Variants in PKN2 observed in about 807,000 individuals in gnomAD.
PKN2 encodes protein kinase N2, also known as serine/threonine-protein kinase N2.
PKN2 carries 38 observed loss-of-function variants against 119.1 expected under a neutral mutation model. That is an observed-to-expected ratio of 0.32 (90% confidence interval 0.25 to 0.42). The LOEUF (loss-of-function observed/expected upper bound fraction) is 0.42, where lower values mean the gene tolerates loss of function less well. Among genes scored for constraint, PKN2 ranks in the 10% least tolerant of loss-of-function variants. The pLI is 1.00. For missense variants in PKN2, 850 were observed against 1,165.1 expected (o/e 0.73, Z 3.94); for synonymous variants, 390 against 384.9 (o/e 1.01, Z -0.15).
chr1:88,776,756 G>A (rs551182938), intron 6 of PKN2, among the ~76,000 whole-genome samples: 1 of 150,638 alleles, frequency 6.6e-6, no homozygotes, highest in African/African-American at 2.5e-5. Flanking sequence ...AAAAAAAAAA[G>A]TCCTCCTGCT....
intron 8 of PKN2, among the ~76,000 whole-genome samples, chr1:88,791,576 A>G (rs1670844178): frequency 6.6e-6 from 1 of 152,202 alleles, no homozygotes; most frequent in South Asian, 2.1e-4. Flanking sequence ...ATGCAGCAAG[A>G]GTGGGGTTAT....
At chr1:88,791,204 G>A (rs925346938) in intron 8 of PKN2, among the ~76,000 whole-genome samples, 2 of 152,054 alleles carry the variant, frequency 1.3e-5, no homozygotes, top group East Asian at 1.9e-4. Flanking sequence ...TCGGCAGGCC[G>A]AAGTGGGCAG....
At chr1:88,720,688 T>C (rs1667641333) in intron 1 of PKN2, among the ~76,000 whole-genome samples, 1 of 152,092 alleles carries the variant, frequency 6.6e-6, no homozygotes, top group South Asian at 2.1e-4. Context: ...CATGGATAAG[T>C]TATTTAGTGG....
intron 8 of PKN2, among the ~76,000 whole-genome samples, chr1:88,788,741 G>A (rs1407013179): frequency 1.3e-5 from 2 of 152,074 alleles, no homozygotes; most frequent in Non-Finnish European, 2.9e-5. Flanking sequence ...CACCGTGCCT[G>A]GCCTAATCCA....
At chr1:88,770,314 T>A (rs1420207840) in intron 3 of PKN2, 38 bp from the exon 4 acceptor site, 1 of 1,212,800 alleles carries the variant, frequency 8.2e-7, no homozygotes, top group African/African-American at 1.5e-5. Flanking sequence ...CATTTTTCCC[T>A]TTATTTGCTT....
At chr1:88,807,008 G>A (rs1002961133) in intron 12 of PKN2, among the ~76,000 whole-genome samples, 6 of 152,074 alleles carry the variant, frequency 3.9e-5, no homozygotes, top group East Asian at 1.9e-4. Flanking sequence ...ATGAGCCACC[G>A]TGCTCAGCCC....
At chr1:88,708,737 C>T (rs1667102452) in intron 1 of PKN2, among the ~76,000 whole-genome samples, 1 of 151,284 alleles carries the variant, frequency 6.6e-6, no homozygotes, top group Non-Finnish European at 1.5e-5. Context: ...GCTGGCATTG[C>T]AGGCGTGAGC....
intron 8 of PKN2, among the ~76,000 whole-genome samples, chr1:88,801,400 A>T (rs1307894828): frequency 2.0e-5 from 3 of 152,156 alleles, no homozygotes; most frequent in African/African-American, 7.2e-5. Flanking sequence ...AACAAAAAAT[A>T]ATAAAAAATA....
At chr1:88,812,674 T>C (rs1671824646) in intron 15 of PKN2, among the ~76,000 whole-genome samples, 1 of 152,270 alleles carries the variant, frequency 6.6e-6, no homozygotes, top group East Asian at 1.9e-4. Flanking sequence ...AGTTCAAGGT[T>C]ACAGGGAGCC....
intron 19 of PKN2, chr1:88,829,328 A>AC: frequency 5.4e-6 from 3 of 558,802 alleles, no homozygotes; most frequent in South Asian, 1.9e-5. Flanking sequence ...AGTATTCGCT[A>AC]CACCAACAGC....
At chr1:88,795,847 A>T (rs960802516) in intron 8 of PKN2, among the ~76,000 whole-genome samples, 1 of 152,214 alleles carries the variant, frequency 6.6e-6, no homozygotes, top group African/African-American at 2.4e-5. Flanking sequence ...AAGGCGACAT[A>T]TTGAGATTGA....
At chr1:88,806,166 T>G (rs1453662105) in intron 12 of PKN2, 149 bp downstream of exon 12, 4 of 739,796 alleles carry the variant, frequency 5.4e-6, no homozygotes, top group Admixed American at 2.8e-5. Context: ...TTTGTTTTTG[T>G]TTTTTGAGAC....
At chr1:88,823,029 G>C (rs1198107261) in intron 17 of PKN2, among the ~76,000 whole-genome samples, 2 of 152,072 alleles carry the variant, frequency 1.3e-5, no homozygotes, top group Non-Finnish European at 2.9e-5. Flanking sequence ...GACCCGCCTG[G>C]GCAACATAGT....
chr1:88,776,777 C>T (rs1557603805), intron 6 of PKN2, among the ~76,000 whole-genome samples: 1 of 151,536 alleles, frequency 6.6e-6, no homozygotes, highest in East Asian at 1.9e-4. Flanking sequence ...TCCTCCAGGC[C>T]TTTATGTTTT....
intron 3 of PKN2, among the ~76,000 whole-genome samples, chr1:88,769,966 A>C (rs566163577): frequency 1.3e-5 from 2 of 152,230 alleles, no homozygotes; most frequent in Non-Finnish European, 2.9e-5. Flanking sequence ...AAACATACAC[A>C]TGAAAAGGGG....
At chr1:88,790,044 A>G (rs960739566) in intron 8 of PKN2, among the ~76,000 whole-genome samples, 6 of 152,186 alleles carry the variant, frequency 3.9e-5, no homozygotes, top group Non-Finnish European at 5.9e-5. Flanking sequence ...AAACAACTCT[A>G]TGTAAGCAGG....
At chr1:88,727,247 A>C (rs1019807604) in intron 1 of PKN2, among the ~76,000 whole-genome samples, 5 of 148,890 alleles carry the variant, frequency 3.4e-5, no homozygotes, top group African/African-American at 5.0e-5. Context: ...TTTTTTATTA[A>C]TGTTTATATG....
Position 88,788,591 on chromosome 1 carries a change from A to G in PKN2, c.1281+2378A>G, listed in dbSNP as rs189573607. Among the ~76,000 whole-genome samples the G allele has an allele frequency of 5.0e-4, 76 of 152,194 alleles. No individual in the cohort carries two copies. The Middle Eastern group carries it at 0.017, about 34-fold the overall frequency. On this transcript the variant is annotated intron_variant, in intron 8 of 21. Transcript: ENST00000370521. ...CTCCTAAGTAGCTGGGATTACAGGCATGTACCACCACGCCTGTCTAATTTT... is the reference window on the plus strand; with the variant it reads ...CTCCTAAGTAGCTGGGATTACAGGCGTGTACCACCACGCCTGTCTAATTTT...
chr1:88,715,230 T>C (rs1048922999), intron 1 of PKN2, among the ~76,000 whole-genome samples: 14 of 152,200 alleles, frequency 9.2e-5, no homozygotes. Flanking sequence ...TGGTTTAAAA[T>C]TATCTTTTTT....
Sources: gnomAD v4.1 joint callset for allele counts (sites outside exome capture counted in the v4.1 genomes callset) on GRCh38, gnomAD v4.1.1 for gene constraint, MANE v1.5 for transcripts, NCBI Gene and HGNC (gene_info 2026-07-23, HGNC 2026-07-21) for gene names.